The following CNTNAP2 variants were observed in gnomAD, a reference collection of about 807,000 sequenced individuals.
CNTNAP2 encodes the protein contactin associated protein 2.
Under a neutral mutation model 155.2 loss-of-function variants are expected in CNTNAP2, and 98 were observed. The ratio of observed to expected loss-of-function variants is 0.63; its 90% CI spans 0.54 to 0.75. The LOEUF (loss-of-function observed/expected upper bound fraction) is 0.75. CNTNAP2 is among the 30% of genes least tolerant of loss of function. CNTNAP2 has a pLI of 0.00. For missense variants in CNTNAP2, 1,727 were observed against 1,688.1 expected, an observed-to-expected ratio of 1.02 and a Z score of -0.40; for synonymous variants, 651 against 631.2, an observed-to-expected ratio of 1.03 and a Z score of -0.47.
rs185584809 is a variant in CNTNAP2, at chr7:146,420,608, C to T, written c.97+303635C>T. Among the ~76,000 whole-genome samples, 290 of 152,166 alleles carry T rather than the reference C, an allele frequency of 1.9e-3. 1 individual carries two copies. The highest frequency in any genetic ancestry group is 6.2e-3 in the African/African-American group (258 of 41,550). ...AGATATGGTCTTTGTTGTCCACTGT[C>T]TCACCCCAAACTAAAGTCTTCTCTA... On this transcript the variant is annotated intron_variant, in intron 1 of 23. Coordinates refer to ENST00000361727, the MANE Select transcript of CNTNAP2 (RefSeq NM_014141.6).
intron 2 of CNTNAP2, among the ~76,000 whole-genome samples, chr7:146,784,142 A>T (rs1053788183): frequency 1.9e-4 from 29 of 152,174 alleles, no homozygotes; most frequent in Non-Finnish European, 7.3e-5. Flanking sequence ...GACTTTTGAG[A>T]TGAAGAATTT....
At chr7:148,309,177 C>A (rs1383816407) in intron 21 of CNTNAP2, among the ~76,000 whole-genome samples, 3 of 152,152 alleles carry the variant, frequency 2.0e-5, no homozygotes, top group Non-Finnish European at 4.4e-5. Context: ...TAGAGGAATT[C>A]TTCTCTATAC....
Position 148,310,888 on chromosome 7 carries a change from A to T in CNTNAP2, c.3475+43762A>T, listed in dbSNP as rs369998184. Among the ~76,000 whole-genome samples, 232 of 152,238 alleles carry T rather than the reference A, an allele frequency of 1.5e-3. 1 individual carries two copies. Among genetic ancestry groups the T allele is most frequent in the African/African-American group, 5.3e-3 (220 of 41,534 alleles). Reference sequence around the variant, plus strand: ...AGGTTCGATTTACATGGTGTGTGAGAAAACGTTGAGTATCTACGAGCAACC... The same window carrying T: ...AGGTTCGATTTACATGGTGTGTGAGTAAACGTTGAGTATCTACGAGCAACC... On this transcript the variant is annotated intron_variant, in intron 21 of 23. Coordinates refer to ENST00000361727, the MANE Select transcript of CNTNAP2 (RefSeq NM_014141.6).
intron 13 of CNTNAP2, among the ~76,000 whole-genome samples, chr7:147,768,685 C>T (rs980521479): frequency 2.0e-5 from 3 of 152,006 alleles, no homozygotes; most frequent in African/African-American, 7.2e-5. Flanking sequence ...TCGGGTGTCA[C>T]AGAAAACAAC....
At chr7:148,399,040 GA>G (rs1474156588) in intron 22 of CNTNAP2, among the ~76,000 whole-genome samples, 7 of 152,122 alleles carry the variant, frequency 4.6e-5, no homozygotes, top group African/African-American at 1.7e-4. Context: ...TGCTAATAAG[GA>G]AACCACAAGT....
chr7:147,368,298 A>G (rs1418111390), intron 9 of CNTNAP2, among the ~76,000 whole-genome samples: 1 of 151,940 alleles, frequency 6.6e-6, no homozygotes, highest in Non-Finnish European at 1.5e-5. Flanking sequence ...CTCTCTAAGC[A>G]CAGAAGGAGG....
At chr7:147,012,974 TA>T (rs1349991574) in intron 3 of CNTNAP2, among the ~76,000 whole-genome samples, 2 of 152,102 alleles carry the variant, frequency 1.3e-5, no homozygotes, top group African/African-American at 4.8e-5. Flanking sequence ...TTATAGATGA[TA>T]AAAATCAAAT....
chr7:147,645,215 A>G (rs75429487), intron 13 of CNTNAP2, among the ~76,000 whole-genome samples: 9,582 of 152,252 alleles, frequency 0.063, 409 homozygotes, highest in Non-Finnish European at 0.09. Context: ...ACAAGAAAAC[A>G]TGACTCTGGC....
At chr7:147,502,741 G>GTGTATATATATATA (rs1491222754) in intron 11 of CNTNAP2, among the ~76,000 whole-genome samples, 2 of 99,956 alleles carry the variant, frequency 2.0e-5, no homozygotes, top group Non-Finnish European at 4.0e-5. Context: ...GTGTGTGTGT[G>GTGTATATATATATA]TATATATATA....
intron 1 of CNTNAP2, among the ~76,000 whole-genome samples, chr7:146,435,032 T>C (rs1383851015): frequency 6.6e-6 from 1 of 152,142 alleles, no homozygotes; most frequent in African/African-American, 2.4e-5. Flanking sequence ...TTATTTGATA[T>C]AGAAAATCAA....
At chr7:146,919,469 C>T (rs1481200722) in intron 3 of CNTNAP2, among the ~76,000 whole-genome samples, 1 of 152,134 alleles carries the variant, frequency 6.6e-6, no homozygotes, top group African/African-American at 2.4e-5. Context: ...TGGATCTAGC[C>T]AACCAGTAGA....
chr7:146,141,003 T>C (rs774619128), intron 1 of CNTNAP2, among the ~76,000 whole-genome samples: 7 of 152,140 alleles, frequency 4.6e-5, no homozygotes, highest in Non-Finnish European at 1.0e-4. Context: ...CTTTACAAAT[T>C]TCTGAATCTG....
chr7:146,652,123 G>GA (rs1040307270), intron 1 of CNTNAP2, among the ~76,000 whole-genome samples: 1 of 152,032 alleles, frequency 6.6e-6, no homozygotes, highest in South Asian at 2.1e-4. Context: ...GGACAGAAAA[G>GA]AAAAAAGTTA....
intron 12 of CNTNAP2, among the ~76,000 whole-genome samples, chr7:147,563,780 T>C (rs1800113529): frequency 6.6e-6 from 1 of 152,170 alleles, no homozygotes; most frequent in Non-Finnish European, 1.5e-5. Context: ...CTATACAAAC[T>C]TCTTGGCTCC....
At chr7:146,508,137 A>T (rs750926059) in intron 1 of CNTNAP2, among the ~76,000 whole-genome samples, 2 of 152,184 alleles carry the variant, frequency 1.3e-5, no homozygotes, top group Non-Finnish European at 2.9e-5. Context: ...TGTGCATTCC[A>T]TGCACTATCT....
At chr7:147,071,164 T>C (rs1350004948) in intron 4 of CNTNAP2, among the ~76,000 whole-genome samples, 1 of 152,158 alleles carries the variant, frequency 6.6e-6, no homozygotes, top group Non-Finnish European at 1.5e-5. Flanking sequence ...GGGCCTATAA[T>C]TTCATCGGCA....
intron 2 of CNTNAP2, among the ~76,000 whole-genome samples, chr7:146,806,594 GC>G (rs1802971766): frequency 6.6e-6 from 1 of 152,044 alleles, no homozygotes; most frequent in African/African-American, 2.4e-5. Context: ...ACCTTAATTT[GC>G]CTATTTATCA....
chr7:146,218,236 G>A (rs1180491807), intron 1 of CNTNAP2, among the ~76,000 whole-genome samples: 5 of 152,170 alleles, frequency 3.3e-5, no homozygotes, highest in Admixed American at 6.5e-5. Flanking sequence ...TCGGCCGGGC[G>A]CGGTGGCTCA....
At chr7:148,295,339 C>G (rs1342546975) in intron 21 of CNTNAP2, among the ~76,000 whole-genome samples, 1 of 152,094 alleles carries the variant, frequency 6.6e-6, no homozygotes, top group Non-Finnish European at 1.5e-5. Context: ...CTTCTTCTAT[C>G]TTGAACTAAG....
Sources: allele counts gnomAD v4.1 joint callset (sites outside exome capture counted in the v4.1 genomes callset), GRCh38; gene constraint gnomAD v4.1.1; transcripts MANE v1.5; gene names NCBI Gene and HGNC (gene_info 2026-07-23, HGNC 2026-07-21).